CRTC3: variants seen among roughly 807,000 people sequenced by gnomAD.
CRTC3 encodes the protein CREB regulated transcription coactivator 3, also known as CREB-regulated transcription coactivator 3.
CRTC3 carries 26 observed loss-of-function variants against 74.5 expected under a neutral mutation model. The observed-to-expected ratio is 0.35, with a 90% CI of 0.26 to 0.48. The LOEUF (loss-of-function observed/expected upper bound fraction) is 0.48. Ranked by LOEUF, CRTC3 falls within the 20% of genes least tolerant of loss-of-function variation. The pLI, the probability that CRTC3 is intolerant of heterozygous loss-of-function variation, is 0.99. For synonymous variants in CRTC3, 377 were observed against 325.8 expected (o/e 1.16, Z -1.69); for missense variants, 760 against 787.3 (o/e 0.97, Z 0.41).
intron 4 of CRTC3, among the ~76,000 whole-genome samples, chr15:90,603,242 G>T (rs1968125589): frequency 6.6e-6 from 1 of 150,770 alleles, no homozygotes; most frequent in South Asian, 2.1e-4. Context: ...AGGAGATCGA[G>T]ACCATCCTCG....
intron 4 of CRTC3, among the ~76,000 whole-genome samples, chr15:90,603,291 A>G: frequency 6.7e-6 from 1 of 148,848 alleles, no homozygotes; most frequent in South Asian, 2.2e-4. Flanking sequence ...AAAATACAAA[A>G]AAGTAGCCGG....
intron 9 of CRTC3, 134 bp downstream of exon 9, chr15:90,619,924 A>T: frequency 1.5e-6 from 1 of 688,066 alleles, no homozygotes; most frequent in Non-Finnish European, 2.6e-6. Context: ...GCATTTTCAT[A>T]AAAACAGCCA....
intron 6 of CRTC3, among the ~76,000 whole-genome samples, chr15:90,611,333 G>C (rs1225417012): frequency 2.0e-5 from 3 of 152,158 alleles, no homozygotes; most frequent in African/African-American, 7.2e-5. Flanking sequence ...TTAGTTAGAA[G>C]AGACCGGCCC....
At chr15:90,591,646 G>A (rs1236857510) in intron 2 of CRTC3, among the ~76,000 whole-genome samples, 2 of 152,142 alleles carry the variant, frequency 1.3e-5, no homozygotes, top group African/African-American at 2.4e-5. Flanking sequence ...GCGAGACCTT[G>A]TCTCTACAAA....
intron 3 of CRTC3, chr15:90,595,882 G>C (rs912024846): frequency 1.3e-5 from 2 of 152,162 alleles, no homozygotes; most frequent in Non-Finnish European, 2.9e-5. Context: ...AAACAGCATG[G>C]TCCCTGACCT....
intron 1 of CRTC3, among the ~76,000 whole-genome samples, chr15:90,534,191 C>T (rs1008372913): frequency 2.0e-5 from 3 of 151,988 alleles, no homozygotes; most frequent in Non-Finnish European, 4.4e-5. Context: ...CAGATTGATA[C>T]TTAGGAGGTG....
chr15:90,633,635 A>G (rs961350518), intron 11 of CRTC3, among the ~76,000 whole-genome samples: 1 of 152,030 alleles, frequency 6.6e-6, no homozygotes, highest in Non-Finnish European at 1.5e-5. Context: ...CAATCTGGAA[A>G]CTCACAGCCT....
chr15:90,545,026 T>C (rs894789557), intron 2 of CRTC3, among the ~76,000 whole-genome samples: 1 of 152,254 alleles, frequency 6.6e-6, no homozygotes, highest in African/African-American at 2.4e-5. Context: ...CACCAGCCTC[T>C]GGCAACTACT....
At chr15:90,641,290 T>C in intron 14 of CRTC3, 91 bp downstream of exon 14, 2 of 904,708 alleles carry the variant, frequency 2.2e-6, no homozygotes, top group Non-Finnish European at 1.8e-6. Context: ...CATAATATTA[T>C]ATAAAGCAAA....
chr15:90,610,737 T>C (rs1347909511), intron 6 of CRTC3, among the ~76,000 whole-genome samples: 3 of 152,234 alleles, frequency 2.0e-5, no homozygotes, highest in Non-Finnish European at 4.4e-5. Flanking sequence ...CACAGGACTC[T>C]GTGGGACACG....
At chr15:90,602,238 A>G in intron 3 of CRTC3, 86 bp from the exon 4 acceptor site, 1 of 795,088 alleles carries the variant, frequency 1.3e-6, no homozygotes, top group Admixed American at 2.1e-5. Flanking sequence ...CCAAAAACTC[A>G]GTTGTTTAAC....
chr15:90,564,162 G>T (rs1389099755), intron 2 of CRTC3, among the ~76,000 whole-genome samples: 2 of 152,162 alleles, frequency 1.3e-5, no homozygotes, highest in African/African-American at 2.4e-5. Flanking sequence ...TGAAGTCCAG[G>T]CTCTTTGATT....
rs1966605383 is a variant in CRTC3, at chr15:90,530,340, G to T, written c.132+137G>T. 2.7e-6 allele frequency: 1 copy of T among 375,266 alleles called. No homozygotes were observed. Among genetic ancestry groups the T allele is most frequent in the Admixed American group, 6.5e-5 (1 of 15,502 alleles). 23.2% of individuals were successfully genotyped at this position (375,266 alleles called of 1,614,324 possible). A position where few individuals can be genotyped will look rare whatever the true frequency, so the allele number is the denominator to read the frequency against. ...CCCGGGAACCGGCGGCTGGGAGGGG[G>T]ACCGGAGCGGCCGCGGCCTCGGCGT... On this transcript the variant is annotated intron_variant, in intron 1 of 14. Transcript: ENST00000268184. The surrounding 1 kb of genome is among the most constrained non-coding windows in gnomAD (Gnocchi z 6.2).
chr15:90,542,309 G>C (rs1966816181), intron 2 of CRTC3, among the ~76,000 whole-genome samples: 5 of 151,832 alleles, frequency 3.3e-5, no homozygotes, highest in Admixed American at 2.6e-4. Context: ...CTCCCAAGTA[G>C]CTGGGATCAT....
At chr15:90,612,385 T>G (rs1048726252) in intron 6 of CRTC3, among the ~76,000 whole-genome samples, 3 of 152,014 alleles carry the variant, frequency 2.0e-5, no homozygotes, top group Non-Finnish European at 4.4e-5. Flanking sequence ...TATCCTTCAA[T>G]GAATGGCGCC....
intron 2 of CRTC3, among the ~76,000 whole-genome samples, chr15:90,582,807 G>T (rs1413290664): frequency 6.6e-6 from 1 of 152,116 alleles, no homozygotes; most frequent in Non-Finnish European, 1.5e-5. Context: ...TGTGGCTGAC[G>T]CTGTGCAAAT....
intron 5 of CRTC3, among the ~76,000 whole-genome samples, chr15:90,606,555 CTG>C (rs1361143838): frequency 6.6e-6 from 1 of 151,892 alleles, no homozygotes; most frequent in Non-Finnish European, 1.5e-5. Flanking sequence ...GAGCGAGACT[CTG>C]TCTCAGAAAA....
intron 2 of CRTC3, among the ~76,000 whole-genome samples, chr15:90,573,410 G>A (rs539559317): frequency 1.3e-5 from 2 of 152,294 alleles, no homozygotes; most frequent in Non-Finnish European, 2.9e-5. Flanking sequence ...TGTGACTGCT[G>A]TGTTACAATT....
chr15:90,636,013 A>G (rs1969221109), intron 11 of CRTC3, among the ~76,000 whole-genome samples: 1 of 152,194 alleles, frequency 6.6e-6, no homozygotes, highest in Non-Finnish European at 1.5e-5. Flanking sequence ...TGCCATCCCC[A>G]TCAAGCTACC....
Sources: allele counts gnomAD v4.1 joint callset (sites outside exome capture counted in the v4.1 genomes callset), GRCh38; gene constraint gnomAD v4.1.1; non-coding constraint Gnocchi (gnomAD v3.1); transcripts MANE v1.5; gene names NCBI Gene and HGNC (gene_info 2026-07-23, HGNC 2026-07-21).